Variants in MCPH1 observed in about 807,000 individuals in gnomAD.
The protein encoded by MCPH1 is microcephalin.
A neutral mutation model predicts 84.5 loss-of-function variants in MCPH1; 104 were observed. The observed-to-expected ratio is 1.23, with a 90% CI of 1.05 to 1.45. The LOEUF (loss-of-function observed/expected upper bound fraction) is 1.45, where lower values mean the gene tolerates loss of function less well. Among genes scored for constraint, MCPH1 ranks in the 40% most tolerant of loss-of-function variants. The pLI, the probability that MCPH1 is intolerant of heterozygous loss-of-function variation, is 0.00. For synonymous variants in MCPH1, 514 were observed against 366.8 expected, an observed-to-expected ratio of 1.40 and a Z score of -4.58; for missense variants, 1,498 against 1,005.7, an observed-to-expected ratio of 1.49 and a Z score of -6.62.
chr8:6,499,948 T>TA lies in MCPH1; in HGVS notation c.2214+20dup, dbSNP rs749509327. The stretch of plus-strand genomic sequence containing the variant: ...AGCTCCCGTAAGTCAGATGTTGTTT[T>TA]ACGATGGTAAATGCAGTTTGCTGTT... On this transcript the variant is annotated intron_variant, in intron 12 of 13. Transcript: ENST00000344683. The TA allele has an allele frequency of 1.9e-6, 3 of 1,605,434 alleles. No individual in the cohort carries two copies. In the South Asian group the frequency reaches 3.3e-5, roughly 18 times the overall value.
intron 10 of MCPH1, 150 bp from the exon 11 acceptor site, chr8:6,480,564 A>T (rs1809080225): frequency 1.3e-6 from 1 of 764,064 alleles, no homozygotes; most frequent in South Asian, 1.5e-5. Context: ...AGCATTGATT[A>T]TAAGTCAGTT....
chr8:6,637,531 C>G (rs1414318611), intron 13 of MCPH1, among the ~76,000 whole-genome samples: 1 of 152,162 alleles, frequency 6.6e-6, no homozygotes, highest in African/African-American at 2.4e-5. Flanking sequence ...AGGACCATTC[C>G]AGACCACTGA....
intron 8 of MCPH1, chr8:6,446,093 A>C (rs1054074): frequency 0.79 from 771,871 of 975,320 alleles, 310,977 homozygotes; most frequent in Non-Finnish European, 0.82. Flanking sequence ...AACATTTTTG[A>C]TCATTTGTAA....
chr8:6,517,254 G>A (rs758066684), intron 12 of MCPH1, among the ~76,000 whole-genome samples: 11 of 152,280 alleles, frequency 7.2e-5, no homozygotes, highest in East Asian at 1.9e-4. Flanking sequence ...CTGGTGCATG[G>A]TGCAGGAACC....
At chr8:6,551,820 A>G (rs959787661) in intron 12 of MCPH1, among the ~76,000 whole-genome samples, 3 of 152,216 alleles carry the variant, frequency 2.0e-5, no homozygotes, top group South Asian at 2.1e-4. Context: ...TTTCAGCAAA[A>G]TACAATAACG....
intron 12 of MCPH1, among the ~76,000 whole-genome samples, chr8:6,588,897 T>C (rs1828219429): frequency 7.2e-5 from 11 of 152,192 alleles, no homozygotes; most frequent in Admixed American, 7.2e-4. Context: ...AAGGGGGCTT[T>C]CCATCCTTTA....
intron 13 of MCPH1, chr8:6,634,841 G>A (rs533943747): frequency 6.6e-6 from 1 of 152,170 alleles, no homozygotes; most frequent in African/African-American, 2.4e-5. Flanking sequence ...CCTGTAACCA[G>A]GGTATCTTTA....
At chr8:6,587,790 C>A (rs1828114895) in intron 12 of MCPH1, among the ~76,000 whole-genome samples, 1 of 152,194 alleles carries the variant, frequency 6.6e-6, no homozygotes, top group South Asian at 2.1e-4. Context: ...AGAGCACAGA[C>A]ATGGACTAAG....
Position 6,477,391 on chromosome 8 carries a change from T to C in MCPH1, c.1936-203T>C, listed in dbSNP as rs1808615397. ...TACCTCATGTCTGGATTATTTTGGA[T>C]TGCTTTGGGGACAGTATCTGAGTTT... is the stretch of plus-strand genomic sequence containing the variant. On this transcript the variant is annotated intron_variant, in intron 9 of 13. Coordinates refer to ENST00000344683, the MANE Select transcript of MCPH1 (RefSeq NM_024596.5). 9.0e-6 allele frequency: 5 copies of C among 557,912 alleles called. No homozygotes were observed. In the South Asian group the frequency reaches 9.2e-5, roughly 10 times the overall value. 34.6% of individuals were successfully genotyped at this position (557,912 alleles called of 1,614,324 possible). A position where few individuals can be genotyped will look rare whatever the true frequency, so the allele number is the denominator to read the frequency against.
chr8:6,625,584 A>G (rs557600764), intron 13 of MCPH1: 2 of 985,210 alleles, frequency 2.0e-6, no homozygotes, highest in Non-Finnish European at 2.4e-6. Context: ...AATCAATTAA[A>G]TTTATTCAAA....
intron 12 of MCPH1, among the ~76,000 whole-genome samples, chr8:6,606,454 G>T (rs925903056): frequency 2.0e-5 from 3 of 152,174 alleles, no homozygotes; most frequent in African/African-American, 7.2e-5. Context: ...ATATATGGTG[G>T]GTGTTCATGT....
intron 12 of MCPH1, chr8:6,621,026 A>C: frequency 2.4e-5 from 6 of 252,378 alleles, no homozygotes; most frequent in East Asian, 1.1e-4. Flanking sequence ...AACAGCCTGG[A>C]GCGCGCTGGA....
intron 6 of MCPH1, among the ~76,000 whole-genome samples, chr8:6,439,317 G>A (rs1348414400): frequency 6.7e-6 from 1 of 148,820 alleles, no homozygotes; most frequent in Non-Finnish European, 1.5e-5. Context: ...AATCCTATTT[G>A]TTGTAGCTCC....
chr8:6,481,024 C>T (rs1323783197), intron 11 of MCPH1, 148 bp downstream of exon 11: 2 of 999,476 alleles, frequency 2.0e-6, no homozygotes, highest in Non-Finnish European at 3.0e-6. Context: ...CGTCTTTCCT[C>T]CTGTTGGTCT....
intron 12 of MCPH1, among the ~76,000 whole-genome samples, chr8:6,577,450 A>G (rs1827214037): frequency 6.6e-6 from 1 of 152,222 alleles, no homozygotes; most frequent in Non-Finnish European, 1.5e-5. Context: ...TGAATGTACA[A>G]ATGGCTGTCT....
rs142921139 is a variant in MCPH1 at position 6,543,068 on chromosome 8, C to T, written c.2214+43139C>T. 1.7e-3 allele frequency among the ~76,000 whole-genome samples: 255 copies of T among 152,216 alleles called. 3 individuals are homozygous for T. Among genetic ancestry groups the T allele is most frequent in the Admixed American group, 3.5e-3 (54 of 15,280 alleles). On this transcript the variant is annotated intron_variant, in intron 12 of 13. Transcript: ENST00000344683. ...CACAGCAGGGCTGTGCGTGCCCTGC[C>T]GGGTCCCACTGCCTCTGGACAGAAA...
chr8:6,624,036 T>C (rs1441569905), intron 13 of MCPH1, among the ~76,000 whole-genome samples: 3 of 152,266 alleles, frequency 2.0e-5, no homozygotes, highest in African/African-American at 7.2e-5. Flanking sequence ...TGGGTGGCTC[T>C]GACAGCCCCT....
At chr8:6,607,515 G>T (rs1275727796) in intron 12 of MCPH1, among the ~76,000 whole-genome samples, 1 of 152,202 alleles carries the variant, frequency 6.6e-6, no homozygotes, top group Admixed American at 6.5e-5. Flanking sequence ...CTAGCAATGG[G>T]TGAGGAAAGA....
At chr8:6,407,042 C>T in intron 1 of MCPH1, 2 of 372,968 alleles carry the variant, frequency 5.4e-6, no homozygotes, top group South Asian at 4.5e-5. Context: ...TGCTCCCTCC[C>T]CCATGCTGCC....
Sources: allele counts gnomAD v4.1 joint callset (sites outside exome capture counted in the v4.1 genomes callset), GRCh38; gene constraint gnomAD v4.1.1; transcripts MANE v1.5; gene names NCBI Gene and HGNC (gene_info 2026-07-23, HGNC 2026-07-21).